Variants in MGAT4C observed in about 807,000 individuals in gnomAD.
MGAT4C encodes the protein MGAT4 family member C.
In MGAT4C, 19 loss-of-function variants were observed where a neutral mutation model predicts 40.1. The observed-to-expected ratio is 0.47, with a 90% CI of 0.33 to 0.70. The LOEUF is 0.70. MGAT4C is among the 30% of genes least tolerant of loss of function. MGAT4C has a pLI of 0.02. For synonymous variants in MGAT4C, 181 were observed against 187.1 expected (o/e 0.97, Z 0.27); for missense variants, 491 against 563.2 (o/e 0.87, Z 1.30).
At chr12:86,030,642 C>T (rs1463438394) in intron 2 of MGAT4C, among the ~76,000 whole-genome samples, 1 of 151,600 alleles carries the variant, frequency 6.6e-6, no homozygotes, top group African/African-American at 2.4e-5. Flanking sequence ...GCATTGTTCC[C>T]AATGGAATAT....
chr12:86,150,834 G>T (rs1208765422), intron 1 of MGAT4C, among the ~76,000 whole-genome samples: 1 of 152,164 alleles, frequency 6.6e-6, no homozygotes, highest in East Asian at 1.9e-4. Context: ...CACCCCAGGG[G>T]TCCTCTCCCA....
chr12:86,602,005 A>G (rs1408151017), intron 2 of MGAT4C, among the ~76,000 whole-genome samples: 2 of 152,162 alleles, frequency 1.3e-5, no homozygotes, highest in Non-Finnish European at 2.9e-5. Context: ...TGGCGCCTGC[A>G]GCGGAAGCCG....
intron 2 of MGAT4C, among the ~76,000 whole-genome samples, chr12:86,672,243 T>A (rs895161782): frequency 6.6e-6 from 1 of 151,952 alleles, no homozygotes; most frequent in Non-Finnish European, 1.5e-5. Context: ...CAAATGATAA[T>A]GGAAACACAC....
At chr12:86,377,306 A>G (rs1333703154) in intron 3 of MGAT4C, among the ~76,000 whole-genome samples, 1 of 151,872 alleles carries the variant, frequency 6.6e-6, no homozygotes, top group Admixed American at 6.6e-5. Flanking sequence ...TTATCCGCCC[A>G]CCTCAGCATC....
At chr12:86,772,495 G>T (rs552852209) in intron 1 of MGAT4C, among the ~76,000 whole-genome samples, 1 of 152,222 alleles carries the variant, frequency 6.6e-6, no homozygotes, top group South Asian at 2.1e-4. Context: ...CAACAGGCCC[G>T]CGAGTAGGTT....
At chr12:86,113,431 T>A (rs1002933306) in intron 1 of MGAT4C, among the ~76,000 whole-genome samples, 97 of 151,748 alleles carry the variant, frequency 6.4e-4, no homozygotes, top group African/African-American at 2.1e-3. Context: ...TTTTGGGGGA[T>A]TTTTTGTGTG....
chr12:86,101,764 T>G (rs1875110922), intron 1 of MGAT4C, among the ~76,000 whole-genome samples: 1 of 151,848 alleles, frequency 6.6e-6, no homozygotes, highest in Non-Finnish European at 1.5e-5. Flanking sequence ...CTCAGAAAAT[T>G]AATGCACCCC....
intron 1 of MGAT4C, among the ~76,000 whole-genome samples, chr12:86,798,958 G>A (rs1241906170): frequency 6.6e-6 from 1 of 151,618 alleles, no homozygotes; most frequent in Non-Finnish European, 1.5e-5. Context: ...ACTAAACTGG[G>A]GCCACTTTAT....
At chr12:86,161,820 A>C (rs1161790791) in intron 1 of MGAT4C, among the ~76,000 whole-genome samples, 3 of 152,188 alleles carry the variant, frequency 2.0e-5, no homozygotes, top group African/African-American at 7.2e-5. Flanking sequence ...GAATAACCTC[A>C]TTAAAAAATG....
upstream of MGAT4C, among the ~76,000 whole-genome samples, chr12:86,260,214 G>A (rs931758155): frequency 5.3e-5 from 8 of 152,052 alleles, no homozygotes; most frequent in Non-Finnish European, 1.2e-4. Flanking sequence ...AGAGACAAAA[G>A]AGAAACATGC....
At chr12:86,105,363 C>T (rs1875955669) in intron 1 of MGAT4C, among the ~76,000 whole-genome samples, 3 of 152,040 alleles carry the variant, frequency 2.0e-5, no homozygotes, top group Admixed American at 6.6e-5. Flanking sequence ...CTTCCAAAAC[C>T]ACATTAAGTA....
intron 1 of MGAT4C, among the ~76,000 whole-genome samples, chr12:86,253,847 G>T (rs1279380576): frequency 5.3e-5 from 8 of 151,622 alleles, no homozygotes; most frequent in Non-Finnish European, 4.4e-5. Context: ...CTAATAAAGG[G>T]GCTTACAATA....
intron 4 of MGAT4C, among the ~76,000 whole-genome samples, chr12:86,329,559 A>G (rs1182004446): frequency 3.3e-5 from 5 of 152,150 alleles, no homozygotes; most frequent in African/African-American, 1.2e-4. Flanking sequence ...TCCATTTCCT[A>G]TGCCAAGAAT....
At chr12:86,278,261 C>T (rs1409734575) in intron 4 of MGAT4C, among the ~76,000 whole-genome samples, 12 of 144,630 alleles carry the variant, frequency 8.3e-5, no homozygotes, top group African/African-American at 2.8e-4. Flanking sequence ...TCACTGTAAC[C>T]TCCGCCTCCT....
intron 2 of MGAT4C, among the ~76,000 whole-genome samples, chr12:86,698,363 G>T (rs1168966921): frequency 1.3e-5 from 2 of 151,912 alleles, no homozygotes; most frequent in African/African-American, 4.8e-5. Context: ...ATGTGTGTTT[G>T]TGTGTGTGTC....
intron 1 of MGAT4C, among the ~76,000 whole-genome samples, chr12:86,185,545 CA>C (rs1181749783): frequency 1.3e-5 from 2 of 151,914 alleles, no homozygotes; most frequent in Non-Finnish European, 2.9e-5. Flanking sequence ...TGATAACAAA[CA>C]AAAAAGAGCA....
intron 2 of MGAT4C, among the ~76,000 whole-genome samples, chr12:86,042,292 C>T (rs908362517): frequency 2.6e-5 from 4 of 152,262 alleles, no homozygotes; most frequent in South Asian, 2.1e-4. Flanking sequence ...TTAATTCAGG[C>T]CTTTAGCCTG....
chr12:86,290,174 G>C (rs1392813210), intron 4 of MGAT4C, among the ~76,000 whole-genome samples: 1 of 152,044 alleles, frequency 6.6e-6, no homozygotes, highest in African/African-American at 2.4e-5. Context: ...AGCCGCCCAA[G>C]TAGCTGGGAT....
intron 3 of MGAT4C, among the ~76,000 whole-genome samples, chr12:86,386,122 G>T (rs903051707): frequency 1.3e-5 from 2 of 151,982 alleles, no homozygotes; most frequent in African/African-American, 4.8e-5. Flanking sequence ...AGTAGAGACG[G>T]GGTTTCACTG....
Sources: allele counts gnomAD v4.1 joint callset (sites outside exome capture counted in the v4.1 genomes callset), GRCh38; gene constraint gnomAD v4.1.1; transcripts MANE v1.5; gene names NCBI Gene and HGNC (gene_info 2026-07-23, HGNC 2026-07-21).